The following TNKS variants were observed in gnomAD, a reference collection of about 807,000 sequenced individuals.
The protein encoded by TNKS is tankyrase.
In TNKS, 72 loss-of-function variants were observed where a neutral mutation model predicts 135.8. The ratio of observed to expected loss-of-function variants is 0.53; its 90% CI spans 0.44 to 0.64. TNKS has a LOEUF of 0.64. Ranked by LOEUF, TNKS falls within the 30% of genes least tolerant of loss-of-function variation. The probability of loss-of-function intolerance (pLI) is 0.00; values close to 1 mark genes in which losing one functional copy is unlikely to be tolerated. For synonymous variants in TNKS, 849 were observed against 649.3 expected (o/e 1.31, Z -4.68); for missense variants, 1,769 against 1,674.0 (o/e 1.06, Z -0.99).
Position 9,635,174 on chromosome 8 carries a change from A to T in TNKS, c.994+19497A>T, listed in dbSNP as rs572425066. Among the ~76,000 whole-genome samples, 48 of 138,182 alleles carry T rather than the reference A, an allele frequency of 3.5e-4. 1 individual carries two copies. Among genetic ancestry groups the T allele is most frequent in the African/African-American group, 1.1e-3 (39 of 35,892 alleles). 90.7% of individuals were successfully genotyped at this position (138,182 alleles called of 152,430 possible). On this transcript the variant is annotated intron_variant, in intron 3 of 26. Coordinates refer to ENST00000310430, the MANE Select transcript of TNKS (RefSeq NM_003747.3). ...GACAGAGCGAGACTCCGTCTCGGGGAAAAAAAAAAAAAAAAAGTAATGAAC... is the reference window on the plus strand; with the variant it reads ...GACAGAGCGAGACTCCGTCTCGGGGTAAAAAAAAAAAAAAAAGTAATGAAC...
intron 3 of TNKS, among the ~76,000 whole-genome samples, chr8:9,653,156 G>T (rs1451909077): frequency 6.6e-6 from 1 of 152,142 alleles, no homozygotes; most frequent in Admixed American, 6.5e-5. Context: ...GAGGGAGAAA[G>T]AAATTAAAAG....
chr8:9,622,661 A>T (rs1585242751), intron 3 of TNKS, among the ~76,000 whole-genome samples: 1 of 152,326 alleles, frequency 6.6e-6, no homozygotes, highest in African/African-American at 2.4e-5. Flanking sequence ...GTGGCCCCTA[A>T]ATATAAACTC....
At chr8:9,653,838 C>G (rs1585281916) in intron 3 of TNKS, among the ~76,000 whole-genome samples, 1 of 152,116 alleles carries the variant, frequency 6.6e-6, no homozygotes, top group Non-Finnish European at 1.5e-5. Flanking sequence ...GTTCCTTTCC[C>G]TTTCTGATCT....
intron 11 of TNKS, among the ~76,000 whole-genome samples, chr8:9,716,613 A>G (rs1804612022): frequency 6.6e-6 from 1 of 152,242 alleles, no homozygotes; most frequent in Admixed American, 6.5e-5. Flanking sequence ...AGAACAAGGA[A>G]TTTAGAAACT....
intron 17 of TNKS, among the ~76,000 whole-genome samples, chr8:9,745,042 G>C (rs1421618813): frequency 1.3e-5 from 2 of 152,164 alleles, no homozygotes; most frequent in African/African-American, 2.4e-5. Flanking sequence ...TGTAAACATG[G>C]GAGTTCAATA....
At chr8:9,736,350 TAAAAAA>T (rs1204895063) in intron 17 of TNKS, among the ~76,000 whole-genome samples, 52 of 87,432 alleles carry the variant, frequency 5.9e-4, no homozygotes, top group African/African-American at 1.8e-3. Context: ...AGACCTCATC[TAAAAAA>T]AAAAAAAAAA....
At chr8:9,697,981 C>T (rs1308859801) in intron 5 of TNKS, among the ~76,000 whole-genome samples, 1 of 151,932 alleles carries the variant, frequency 6.6e-6, no homozygotes, top group Non-Finnish European at 1.5e-5. Flanking sequence ...TTCACAATAG[C>T]GAAGACATGG....
chr8:9,709,966 G>A lies in TNKS; in HGVS notation c.1590G>A (p.Val530=). Residue 530 remains valine (V), a synonymous_variant, in exon 10 of 27, where the codon GTG becomes GTA. Transcript: ENST00000310430. ...QSHETALHCA[V]ASLHPKRKQV... ...TGTTTACTTTATAGCACTGTGCTGT[G>A]GCCTCTCTGCATCCCAAACGTAAAC... The A allele has an allele frequency of 6.2e-7, 1 of 1,613,542 alleles. No individual in the cohort carries two copies. The highest frequency in any genetic ancestry group is 8.5e-7 in the Non-Finnish European group (1 of 1,179,844).
chr8:9,741,574 C>G (rs1309858248), intron 17 of TNKS: 3 of 308,084 alleles, frequency 9.7e-6, no homozygotes, highest in African/African-American at 2.1e-5. Flanking sequence ...CTGCATTAGT[C>G]TTCACCTTGC....
At chr8:9,655,993 GA>G (rs1429059398) in intron 3 of TNKS, among the ~76,000 whole-genome samples, 2 of 151,828 alleles carry the variant, frequency 1.3e-5, no homozygotes, top group Non-Finnish European at 2.9e-5. Context: ...TAAAAACCTT[GA>G]AAAAAAATTA....
intron 5 of TNKS, among the ~76,000 whole-genome samples, chr8:9,691,029 G>A (rs1297775775): frequency 6.6e-6 from 1 of 152,152 alleles, no homozygotes; most frequent in East Asian, 1.9e-4. Context: ...GTTTAGATCA[G>A]ACCATATTTG....
intron 1 of TNKS, chr8:9,566,145 CT>C (rs1251807282): frequency 1.3e-5 from 2 of 152,064 alleles, no homozygotes; most frequent in Non-Finnish European, 2.9e-5. Flanking sequence ...CTCATGTTGA[CT>C]GTGGAAATTT....
Position 9,580,139 on chromosome 8 carries a change from A to AT in TNKS, c.674-14dup, listed in dbSNP as rs1290335478. On this transcript the variant is annotated intron_variant, in intron 1 of 26. Coordinates refer to ENST00000310430, the MANE Select transcript of TNKS (RefSeq NM_003747.3). Reference sequence around the variant, plus strand: ...ACAAAATCAAATATATATACAAGACATTTTTTCGTTTCTTTTTAGGTTTTG... The same window carrying AT: ...ACAAAATCAAATATATATACAAGACATTTTTTTCGTTTCTTTTTAGGTTTTG... 1.9e-6 allele frequency: 3 copies of AT among 1,605,954 alleles called. No homozygotes were observed. The highest frequency in any genetic ancestry group is 1.7e-5 in the Admixed American group (1 of 59,934).
intron 3 of TNKS, among the ~76,000 whole-genome samples, chr8:9,674,880 C>A (rs1443702395): frequency 6.6e-6 from 1 of 152,136 alleles, no homozygotes; most frequent in Admixed American, 6.5e-5. Context: ...GGCCATGATT[C>A]TAGACTTAAT....
At chr8:9,698,203 G>A (rs1055820947) in intron 5 of TNKS, among the ~76,000 whole-genome samples, 7 of 152,026 alleles carry the variant, frequency 4.6e-5, no homozygotes, top group Admixed American at 1.3e-4. Context: ...TAAACATTGA[G>A]CACACGTGGA....
chr8:9,569,354 A>G (rs947868471), intron 1 of TNKS, among the ~76,000 whole-genome samples: 2 of 152,224 alleles, frequency 1.3e-5, no homozygotes, highest in Non-Finnish European at 2.9e-5. Flanking sequence ...GCCCTGCTCA[A>G]GAATCAGAAC....
At chr8:9,649,554 G>C (rs1353974165) in intron 3 of TNKS, among the ~76,000 whole-genome samples, 3 of 152,066 alleles carry the variant, frequency 2.0e-5, no homozygotes, top group Admixed American at 1.3e-4. Flanking sequence ...TAATTTCTGA[G>C]ATTTTCGTGC....
intron 3 of TNKS, among the ~76,000 whole-genome samples, chr8:9,644,837 T>C (rs994078598): frequency 2.6e-5 from 4 of 152,282 alleles, no homozygotes; most frequent in East Asian, 1.9e-4. Context: ...CAGATGCCCA[T>C]ACAACCATTC....
At chr8:9,773,098 C>T (rs553430537) in intron 26 of TNKS, among the ~76,000 whole-genome samples, 4 of 151,428 alleles carry the variant, frequency 2.6e-5, no homozygotes, top group African/African-American at 9.7e-5. Context: ...AATCATAAAC[C>T]TTTAACTTCT....
Sources: allele counts gnomAD v4.1 joint callset (sites outside exome capture counted in the v4.1 genomes callset), GRCh38; gene constraint gnomAD v4.1.1; transcripts MANE v1.5; gene names NCBI Gene and HGNC (gene_info 2026-07-23, HGNC 2026-07-21).